PTBP3: variants seen among roughly 807,000 people sequenced by gnomAD.
PTBP3 encodes polypyrimidine tract binding protein 3.
Under a neutral mutation model 58.7 loss-of-function variants are expected in PTBP3, and 20 were observed. The observed-to-expected ratio is 0.34, with a 90% CI of 0.24 to 0.50. PTBP3 has a LOEUF of 0.50. PTBP3 is among the 20% of genes least tolerant of loss of function. The pLI is 0.98. For synonymous variants in PTBP3, 185 were observed against 219.8 expected (o/e 0.84, Z 1.40); for missense variants, 509 against 637.2 (o/e 0.80, Z 2.17).
At chr9:112,302,106 A>C (rs1451262269) in intron 1 of PTBP3, among the ~76,000 whole-genome samples, 1 of 152,162 alleles carries the variant, frequency 6.6e-6, no homozygotes, top group East Asian at 1.9e-4. Context: ...AGCAGAACAA[A>C]AAGAAAAGAA....
At chr9:112,342,432 T>C in the PTBP3 span, among the ~76,000 whole-genome samples, 1 of 152,094 alleles carries the variant, frequency 6.6e-6, no homozygotes, top group African/African-American at 2.4e-5. Context: ...ATATAAGAGG[T>C]TAGACTGGAC....
intron 2 of PTBP3, among the ~76,000 whole-genome samples, chr9:112,293,864 C>G (rs1828552836): frequency 6.6e-6 from 1 of 152,156 alleles, no homozygotes; most frequent in African/African-American, 2.4e-5. Context: ...AAAGTCTGGT[C>G]CCCAACACAA....
chr9:112,273,733 G>A (rs1309754189), intron 3 of PTBP3, among the ~76,000 whole-genome samples: 4 of 152,102 alleles, frequency 2.6e-5, no homozygotes, highest in African/African-American at 9.7e-5. Flanking sequence ...GAGGAAGGCT[G>A]GGAAAAAGAA....
chr9:112,261,381 C>T (rs6477905), intron 5 of PTBP3, among the ~76,000 whole-genome samples: 85,311 of 152,100 alleles, frequency 0.56, 25,805 homozygotes, highest in African/African-American at 0.81. Flanking sequence ...AGCTCTATCG[C>T]CAATTGGTAT....
chr9:112,379,859 C>T, the PTBP3 span: 2 of 527,964 alleles, frequency 3.8e-6, no homozygotes, highest in Non-Finnish European at 3.3e-6. Context: ...CCGACAGGAG[C>T]CTGATTGTCA....
chr9:112,342,694 C>T, the PTBP3 span, among the ~76,000 whole-genome samples: 9 of 144,708 alleles, frequency 6.2e-5, no homozygotes, highest in East Asian at 4.4e-4. Flanking sequence ...CCTGCCTGGG[C>T]GACAGAGCGA....
chr9:112,366,531 G>A, the PTBP3 span, among the ~76,000 whole-genome samples: 1 of 152,100 alleles, frequency 6.6e-6, no homozygotes, highest in Non-Finnish European at 1.5e-5. Context: ...GCTTCCGAGG[G>A]TTCAAACCCC....
At chr9:112,367,219 A>C in the PTBP3 span, among the ~76,000 whole-genome samples, 1 of 152,214 alleles carries the variant, frequency 6.6e-6, no homozygotes, top group Non-Finnish European at 1.5e-5. Context: ...ACATAAAAAA[A>C]CTTTAGACTA....
chr9:112,318,346 A>G (rs1464141889), intron 1 of PTBP3, among the ~76,000 whole-genome samples: 3 of 152,252 alleles, frequency 2.0e-5, no homozygotes, highest in Non-Finnish European at 2.9e-5. Context: ...CAATATGCAA[A>G]GTATTTCTAT....
chr9:112,279,358 T>G (rs533765127), intron 2 of PTBP3, among the ~76,000 whole-genome samples: 4 of 152,152 alleles, frequency 2.6e-5, no homozygotes, highest in Admixed American at 2.0e-4. Flanking sequence ...CCACTACATA[T>G]CAGTCACGCT....
intron 5 of PTBP3, 143 bp downstream of exon 5, chr9:112,262,287 ATTTCT>A: frequency 1.5e-6 from 1 of 654,254 alleles, no homozygotes; most frequent in Middle Eastern, 4.5e-4. Flanking sequence ...ATTACCTCTA[ATTTCT>A]ATGAAATTAG....
chr9:112,333,515 G>A lies in PTBP3; in HGVS notation c.-97C>T, dbSNP rs750940931. On this transcript the variant is annotated 5_prime_UTR_variant, in exon 1 of 14. Transcript: ENST00000374257. ...GGCGCGCACAGAGCAGGGACTGACG[G>A]GCTAACCGCGAGCAGAGGAAGCAGG... 4 of 1,582,570 alleles carry A rather than the reference G, an allele frequency of 2.5e-6. No individual in the cohort carries two copies. In the African/African-American group the frequency reaches 4.2e-5, roughly 17 times the overall value.
At position 112,297,885 on chromosome 9, in the gene PTBP3, A is replaced by G; in HGVS notation, c.-20T>C. 6.2e-7 allele frequency: 1 copy of G among 1,613,272 alleles called. No homozygotes were observed. The highest frequency in any genetic ancestry group is 1.1e-5 in the South Asian group (1 of 90,962). On this transcript the variant is annotated 5_prime_UTR_variant, in exon 2 of 14. Transcript: ENST00000374257. ...ATTCATGGTAAAAGGTCCGTTAATGATGCCAGAAGAAAGAAGCTCATCAGA... is the reference window on the plus strand; with the variant it reads ...ATTCATGGTAAAAGGTCCGTTAATGGTGCCAGAAGAAAGAAGCTCATCAGA...
chr9:112,245,531 T>C (rs1409251292), intron 7 of PTBP3, among the ~76,000 whole-genome samples: 2 of 152,190 alleles, frequency 1.3e-5, no homozygotes, highest in Non-Finnish European at 1.5e-5. Context: ...CAGAAACATA[T>C]ATTTATGAAG....
rs1249914267 is a variant in PTBP3 at position 112,234,917 on chromosome 9, A to T, written c.803-20T>A. The T allele has an allele frequency of 6.3e-7, 1 of 1,582,922 alleles. No homozygotes were observed. Among genetic ancestry groups the T allele is most frequent in the Admixed American group, 1.7e-5 (1 of 59,610 alleles). On this transcript the variant is annotated intron_variant, in intron 7 of 13. Transcript: ENST00000374257. ...GTGCACCTAATGGGAAAGAGAAGCT[A>T]AAGTAAACACACTACCTTCTATAAA...
At chr9:112,368,593 T>G in the PTBP3 span, among the ~76,000 whole-genome samples, 1 of 152,108 alleles carries the variant, frequency 6.6e-6, no homozygotes, top group Non-Finnish European at 1.5e-5. Flanking sequence ...TGAGAAAAGT[T>G]GGATTGGTTA....
intron 3 of PTBP3, 126 bp from the exon 4 acceptor site, chr9:112,268,321 G>C: frequency 1.1e-6 from 1 of 928,610 alleles, no homozygotes; most frequent in Non-Finnish European, 1.5e-6. Flanking sequence ...CCCCCAAGGG[G>C]AGGGAAAAAC....
intron 2 of PTBP3, among the ~76,000 whole-genome samples, chr9:112,291,030 T>C (rs1828396130): frequency 1.3e-5 from 2 of 152,100 alleles, no homozygotes; most frequent in Non-Finnish European, 2.9e-5. Flanking sequence ...GAGACCAGCC[T>C]GGCCAACAAG....
chr9:112,248,105 C>G (rs1193824548), intron 7 of PTBP3, among the ~76,000 whole-genome samples: 1 of 151,922 alleles, frequency 6.6e-6, no homozygotes, highest in Non-Finnish European at 1.5e-5. Context: ...TACTAAAACA[C>G]CATAAACTTT....
Sources: allele counts gnomAD v4.1 joint callset (sites outside exome capture counted in the v4.1 genomes callset), GRCh38; gene constraint gnomAD v4.1.1; transcripts MANE v1.5; gene names NCBI Gene and HGNC (gene_info 2026-07-23, HGNC 2026-07-21).